The following ARSH variants were observed in gnomAD, a reference collection of about 807,000 sequenced individuals.
The protein encoded by ARSH is arylsulfatase family member H.
Under a neutral mutation model 28.7 loss-of-function variants are expected in ARSH, and 32 were observed. That is an observed-to-expected ratio of 1.11 (90% CI 0.84 to 1.50). The LOEUF (loss-of-function observed/expected upper bound fraction) is 1.50. Ranked by LOEUF, ARSH falls within the 40% of genes most tolerant of loss-of-function variation. The probability of loss-of-function intolerance (pLI) is 0.00; values close to 1 mark genes in which losing one functional copy is unlikely to be tolerated. For synonymous variants in ARSH, 176 were observed against 177.3 expected (o/e 0.99, Z 0.06); for missense variants, 440 against 452.4 (o/e 0.97, Z 0.25).
In ARSH at chrX:3,027,973, C is replaced by T. The variant is rs189383485; in HGVS notation, c.1199+498C>T. 2.8e-4 allele frequency among the ~76,000 whole-genome samples: 31 copies of T among 109,871 alleles called. No homozygotes were observed. The East Asian group carries it at 6.1e-3, about 22-fold the overall frequency. ...CAAAAATCAGTCTGGTGTGGTGGCA[C>T]GTGCCTGTAATCCCAGCTACCTGGG... On this transcript the variant is annotated intron_variant, in intron 7 of 8. Transcript: ENST00000381130.
intron 8 of ARSH, among the ~76,000 whole-genome samples, chrX:3,032,073 G>T (rs1344355186): frequency 9.0e-6 from 1 of 111,114 alleles, no homozygotes; most frequent in African/African-American, 3.3e-5. Context: ...GTAGACTTCG[G>T]TATAATCCTC....
chrX:3,030,563 G>C lies in ARSH; in HGVS notation c.1321+1195G>C, dbSNP rs1603463624. On this transcript the variant is annotated intron_variant, in intron 8 of 8. Coordinates refer to ENST00000381130, the MANE Select transcript of ARSH (RefSeq NM_001011719.2). ...CTGGGGAGGCCTCACAATCATGGTGGAAGGCACATCTTACATGGTGGAAAG... is the reference window on the plus strand; with the variant it reads ...CTGGGGAGGCCTCACAATCATGGTGCAAGGCACATCTTACATGGTGGAAAG... Among the ~76,000 whole-genome samples the C allele has an allele frequency of 2.7e-5, 3 of 111,719 alleles. No individual in the cohort carries two copies. In the East Asian group the frequency reaches 8.5e-4, roughly 32 times the overall value.
rs776671829 is a variant in ARSH at position 3,018,610 on chromosome X, G to A, written c.841G>A (p.Val281Ile). Residue 281 changes from valine (V) to isoleucine (I), a missense_variant, in exon 5 of 9, where the codon GTT (valine) becomes ATT (isoleucine). Transcript: ENST00000381130. ...HTPLISKKKF[V>I]GRSKYGRYGD... ...TCCACTCATCTCCAAAAAGAAGTTT[G>A]TTGGGCGCAGTAAATATGGCAGGTA... 1.3e-5 allele frequency: 16 copies of A among 1,210,568 alleles called. No individual in the cohort carries two copies. The South Asian group carries it at 2.5e-4, about 19-fold the overall frequency.
At chrX:3,023,865 T>A in intron 5 of ARSH, among the ~76,000 whole-genome samples, 156 bp from the exon 6 acceptor site, 1 of 110,209 alleles carries the variant, frequency 9.1e-6, no homozygotes, top group Admixed American at 1.0e-4. Context: ...TAAAATAGTA[T>A]GTATTACAAT....
At chrX:3,029,813 G>C (rs1187242679) in intron 8 of ARSH, among the ~76,000 whole-genome samples, 2 of 111,988 alleles carry the variant, frequency 1.8e-5, no homozygotes, top group Non-Finnish European at 3.8e-5. Flanking sequence ...TTACAGGCGT[G>C]AGCCACCGTG....
rs1439142352 is a variant in ARSH at position 3,027,539 on chromosome X, A to G, written c.1199+64A>G. On this transcript the variant is annotated intron_variant, in intron 7 of 8. Transcript: ENST00000381130. The stretch of plus-strand genomic sequence containing the variant: ...ATTTGAACATAAGTGGATATACTTG[A>G]TAATTCTATGTGTGTGTGTATGTAC... The G allele has an allele frequency of 3.7e-6, 4 of 1,076,805 alleles. No homozygotes were observed. The African/African-American group carries it at 7.3e-5, about 20-fold the overall frequency. 88.7% of individuals were successfully genotyped at this position (1,076,805 alleles called of 1,213,427 possible). A position where few individuals can be genotyped will look rare whatever the true frequency, so the allele number is the denominator to read the frequency against.
intron 4 of ARSH, among the ~76,000 whole-genome samples, chrX:3,018,264 G>A (rs900236977): frequency 2.7e-5 from 3 of 111,983 alleles, no homozygotes; most frequent in African/African-American, 9.8e-5. Context: ...CTCCCAAAGT[G>A]CAAAGAATAT....
chrX:3,029,811 G>A (rs898073971), intron 8 of ARSH, among the ~76,000 whole-genome samples: 7 of 111,848 alleles, frequency 6.3e-5, no homozygotes, highest in African/African-American at 2.3e-4. Flanking sequence ...GATTACAGGC[G>A]TGAGCCACCG....
chrX:3,013,974 G>C (rs1407332959), intron 3 of ARSH, among the ~76,000 whole-genome samples: 1 of 111,665 alleles, frequency 9.0e-6, no homozygotes, highest in Admixed American at 9.6e-5. Flanking sequence ...TCAGGCTTCT[G>C]AATAAATCTA....
At chrX:3,013,883 C>T (rs1275012324) in intron 3 of ARSH, among the ~76,000 whole-genome samples, 6 of 111,444 alleles carry the variant, frequency 5.4e-5, no homozygotes, top group Admixed American at 2.9e-4. Flanking sequence ...TGGGAATTCT[C>T]TAGATTAGCT....
chrX:3,013,177 G>C lies in ARSH; in HGVS notation c.340+5G>C. ...GCTACCGCACGGGACTCATAGGTAT[G>C]GCGCCGGAACTCTGCCCGTGGAAAC... On this transcript the variant is annotated splice_donor_5th_base_variant and intron_variant, in intron 3 of 8. Coordinates refer to ENST00000381130, the MANE Select transcript of ARSH (RefSeq NM_001011719.2). 1 of 1,202,666 alleles carries C rather than the reference G, an allele frequency of 8.3e-7. No homozygotes were observed. The highest frequency in any genetic ancestry group is 1.8e-5 in the South Asian group (1 of 55,307).
intron 4 of ARSH, among the ~76,000 whole-genome samples, chrX:3,016,923 G>T (rs147993676): frequency 1.6e-4 from 18 of 110,887 alleles, no homozygotes; most frequent in African/African-American, 5.9e-4. Flanking sequence ...TGTTGGTGTG[G>T]ATTCTCATTG....
intron 5 of ARSH, among the ~76,000 whole-genome samples, chrX:3,022,169 C>T (rs937875686): frequency 6.3e-5 from 7 of 111,170 alleles, no homozygotes; most frequent in Admixed American, 9.7e-5. Context: ...ACTATACAGA[C>T]AATTATTTGC....
chrX:3,017,752 G>C (rs914336494), intron 4 of ARSH, among the ~76,000 whole-genome samples: 6 of 111,155 alleles, frequency 5.4e-5, no homozygotes, highest in Non-Finnish European at 9.4e-5. Flanking sequence ...AACCATGAAG[G>C]AGGTGGAAGA....
rs772616534 is a variant in ARSH at position 3,006,556 on chromosome X, A to G, written c.-57A>G. On this transcript the variant is annotated 5_prime_UTR_variant, in exon 1 of 9. Coordinates refer to ENST00000381130, the MANE Select transcript of ARSH (RefSeq NM_001011719.2). ...GCTTATTTCTAAAAATGCTTTCAGG[A>G]GCTGCTGGCTGTCAGTGTCCCTGTG... 1 of 1,004,654 alleles carries G rather than the reference A, an allele frequency of 1.0e-6. No homozygotes were observed. The highest frequency in any genetic ancestry group is 1.9e-5 in the African/African-American group (1 of 52,758). The allele number at this position is 1,004,654 out of a possible 1,213,427, so 82.8% of individuals were successfully genotyped here.
At chrX:3,027,002 C>T (rs1311464635) in intron 6 of ARSH, among the ~76,000 whole-genome samples, 2 of 110,829 alleles carry the variant, frequency 1.8e-5, no homozygotes, top group Non-Finnish European at 3.8e-5. Flanking sequence ...GCATGCACCA[C>T]CATGGAGTGC....
intron 2 of ARSH, among the ~76,000 whole-genome samples, chrX:3,011,805 A>G (rs1230756754): frequency 9.0e-6 from 1 of 111,569 alleles, no homozygotes; most frequent in Non-Finnish European, 1.9e-5. Context: ...CACTATCTAG[A>G]GTCTACTTTC....
chrX:3,014,733 G>A (rs1404014974), intron 3 of ARSH, among the ~76,000 whole-genome samples: 1 of 111,365 alleles, frequency 9.0e-6, no homozygotes, highest in Non-Finnish European at 1.9e-5. Context: ...TCCTCTCCTT[G>A]TCGCAAGCAA....
chrX:3,033,029 T>C lies in ARSH; in HGVS notation c.1333T>C (p.Trp445Arg). ...RWHQKDCATVWKAHYVTPKFY... is the reference protein window; with the variant it reads ...RWHQKDCATVRKAHYVTPKFY... The stretch of plus-strand genomic sequence containing the variant: ...AACTTGTTTTTTAGGTGCAACTGTG[T>C]GGAAAGCTCATTATGTGACTCCTAA... Residue 445 changes from tryptophan to arginine, a missense_variant, in exon 9 of 9, where the codon TGG becomes CGG. Coordinates refer to ENST00000381130, the MANE Select transcript of ARSH (RefSeq NM_001011719.2). 8.3e-7 allele frequency: 1 copy of C among 1,207,833 alleles called. No homozygotes were observed.
Sources: gnomAD v4.1 joint callset for allele counts (sites outside exome capture counted in the v4.1 genomes callset) on GRCh38, gnomAD v4.1.1 for gene constraint, MANE v1.5 for transcripts, NCBI Gene and HGNC (gene_info 2026-07-23, HGNC 2026-07-21) for gene names.